Variants in SNTB1 observed in about 807,000 individuals in gnomAD.
The protein encoded by SNTB1 is beta-1-syntrophin.
SNTB1 carries 36 observed loss-of-function variants against 48.9 expected under a neutral mutation model. The ratio of observed to expected loss-of-function variants is 0.74; its 90% CI spans 0.56 to 0.97. The LOEUF (loss-of-function observed/expected upper bound fraction) is 0.97, where lower values mean the gene tolerates loss of function less well. Ranked by LOEUF, SNTB1 falls within the 50% of genes least tolerant of loss-of-function variation. The pLI, the probability that SNTB1 is intolerant of heterozygous loss-of-function variation, is 0.00. For missense variants in SNTB1, 786 were observed against 703.4 expected, an observed-to-expected ratio of 1.12 and a Z score of -1.33; for synonymous variants, 299 against 294.6, an observed-to-expected ratio of 1.01 and a Z score of -0.15.
At chr8:120,539,287 G>A (rs886875180) in intron 6 of SNTB1, among the ~76,000 whole-genome samples, 6 of 116,554 alleles carry the variant, frequency 5.1e-5, no homozygotes, top group African/African-American at 3.1e-4. Context: ...ATTCATGTTG[G>A]ATTTGACACA....
chr8:120,679,736 A>G lies in SNTB1; in HGVS notation c.788+13956T>C, dbSNP rs1817896992. Among the ~76,000 whole-genome samples, 4 of 152,296 alleles carry G rather than the reference A, an allele frequency of 2.6e-5. No homozygotes were observed. The South Asian group carries it at 8.3e-4, about 32-fold the overall frequency. ...CTCTAGTCTTGCCTCCTATTGATCTATGCAGCCAGAGAGATCTTTGCTACA... is the reference window on the plus strand; with the variant it reads ...CTCTAGTCTTGCCTCCTATTGATCTGTGCAGCCAGAGAGATCTTTGCTACA... On this transcript the variant is annotated intron_variant, in intron 2 of 6. Transcript: ENST00000517992.
rs1174907196 is a variant in SNTB1, at chr8:120,571,475, G to C, written c.1136+3611C>G. 2.6e-5 allele frequency: 7 copies of C among 269,864 alleles called. No homozygotes were observed. In the East Asian group the frequency reaches 7.3e-4, roughly 28 times the overall value. The allele number at this position is 269,864 out of a possible 1,614,324, so 16.7% of individuals were successfully genotyped here. ...TAAGGATGTTTACATTCTGACTATT[G>C]AGGGTTTTTTTTTTTTTTTTTTTTT... On this transcript the variant is annotated intron_variant, in intron 4 of 6. Transcript: ENST00000517992.
At chr8:120,553,097 A>G (rs4345605) in intron 4 of SNTB1, among the ~76,000 whole-genome samples, 51,921 of 152,092 alleles carry the variant, frequency 0.34, 11,244 homozygotes, top group African/African-American at 0.62. Context: ...GTGCAGTCCC[A>G]TTCCTAACAG....
At chr8:120,757,357 T>A (rs1271773017) in intron 1 of SNTB1, among the ~76,000 whole-genome samples, 1 of 152,104 alleles carries the variant, frequency 6.6e-6, no homozygotes, top group Non-Finnish European at 1.5e-5. Context: ...GGCAAGGTGA[T>A]TACAGAGGTT....
At chr8:120,777,234 A>C (rs1295759400) in intron 1 of SNTB1, among the ~76,000 whole-genome samples, 1 of 152,202 alleles carries the variant, frequency 6.6e-6, no homozygotes, top group Non-Finnish European at 1.5e-5. Context: ...AGGGGCCTCA[A>C]AAGACTGACA....
intron 1 of SNTB1, among the ~76,000 whole-genome samples, chr8:120,744,806 ATTG>A (rs1197651495): frequency 1.3e-5 from 2 of 152,232 alleles, no homozygotes; most frequent in African/African-American, 2.4e-5. Flanking sequence ...AGCACCTAAT[ATTG>A]TTGTCACATT....
At chr8:120,576,045 T>G (rs548326571) in intron 3 of SNTB1, among the ~76,000 whole-genome samples, 1 of 152,328 alleles carries the variant, frequency 6.6e-6, no homozygotes, top group South Asian at 2.1e-4. Flanking sequence ...AAGCTCGGTT[T>G]AAAAACTCAG....
intron 4 of SNTB1, among the ~76,000 whole-genome samples, chr8:120,555,876 G>T (rs1054077479): frequency 6.6e-6 from 1 of 152,116 alleles, no homozygotes; most frequent in African/African-American, 2.4e-5. Flanking sequence ...GAAAGACCAC[G>T]TGAGGACACA....
At chr8:120,633,476 G>A (rs1817017872) in intron 2 of SNTB1, among the ~76,000 whole-genome samples, 2 of 152,024 alleles carry the variant, frequency 1.3e-5, no homozygotes, top group Non-Finnish European at 2.9e-5. Context: ...ATGATGGCGG[G>A]TGCCTGTAGC....
chr8:120,629,610 TA>T (rs767019294), intron 3 of SNTB1, among the ~76,000 whole-genome samples: 1 of 152,158 alleles, frequency 6.6e-6, no homozygotes, highest in Admixed American at 6.5e-5. Flanking sequence ...AACATTTTGC[TA>T]AAAACCATTC....
chr8:120,811,210 C>T (rs1820422929), intron 1 of SNTB1, 63 bp downstream of exon 1: 4 of 1,521,710 alleles, frequency 2.6e-6, no homozygotes, highest in African/African-American at 1.4e-5. Context: ...TGTGAGCGTG[C>T]GGGTGGGAAG....
chr8:120,700,289 C>G (rs957181037), intron 1 of SNTB1, among the ~76,000 whole-genome samples: 16 of 152,208 alleles, frequency 1.1e-4, no homozygotes, highest in Admixed American at 5.2e-4. Context: ...TAAGCTTGAA[C>G]TATTAAACTA....
At chr8:120,761,068 C>T (rs1447361750) in intron 1 of SNTB1, among the ~76,000 whole-genome samples, 1 of 152,108 alleles carries the variant, frequency 6.6e-6, no homozygotes. Context: ...TTAAAAGGTT[C>T]TTAAATCTAT....
intron 1 of SNTB1, among the ~76,000 whole-genome samples, chr8:120,730,151 T>C (rs1405268028): frequency 6.6e-6 from 1 of 152,154 alleles, no homozygotes; most frequent in Non-Finnish European, 1.5e-5. Context: ...TTATTTATTT[T>C]TTATTTTTAT....
At chr8:120,765,179 C>T (rs1234393517) in intron 1 of SNTB1, among the ~76,000 whole-genome samples, 3 of 152,108 alleles carry the variant, frequency 2.0e-5, no homozygotes, top group African/African-American at 7.2e-5. Flanking sequence ...GAGCCAAGAT[C>T]CTGCCACGGC....
At chr8:120,656,406 T>G (rs1817504479) in intron 2 of SNTB1, among the ~76,000 whole-genome samples, 1 of 152,234 alleles carries the variant, frequency 6.6e-6, no homozygotes, top group South Asian at 2.1e-4. Flanking sequence ...TTCAGCACTT[T>G]GACCTTTCCT....
At chr8:120,661,195 TAA>T (rs34319576) in intron 2 of SNTB1, among the ~76,000 whole-genome samples, 27 of 144,008 alleles carry the variant, frequency 1.9e-4, no homozygotes, top group African/African-American at 6.4e-4. Flanking sequence ...TTCAATTTGT[TAA>T]AAAAAAAAAA....
Position 120,773,959 on chromosome 8 carries a change from G to A in SNTB1, c.571+37314C>T, listed in dbSNP as rs113871828. On this transcript the variant is annotated intron_variant, in intron 1 of 6. Coordinates refer to ENST00000517992, the MANE Select transcript of SNTB1 (RefSeq NM_021021.4). The stretch of plus-strand genomic sequence containing the variant: ...TATAGAAAGGAAACTAATATTTATC[G>A]GAAACCAAGTGCTTCTTTGTTTAAT... Among the ~76,000 whole-genome samples the A allele has an allele frequency of 3.1e-3, 466 of 152,246 alleles. 5 individuals are homozygous for A. Among genetic ancestry groups the A allele is most frequent in the African/African-American group, 0.011 (448 of 41,540 alleles).
chr8:120,551,681 G>A (rs182544612), intron 4 of SNTB1, among the ~76,000 whole-genome samples: 20 of 133,766 alleles, frequency 1.5e-4, no homozygotes, highest in African/African-American at 4.4e-4. Context: ...AGCCAAGATC[G>A]CACCACTGCA....
Sources: allele counts gnomAD v4.1 joint callset (sites outside exome capture counted in the v4.1 genomes callset), GRCh38; gene constraint gnomAD v4.1.1; transcripts MANE v1.5; gene names NCBI Gene and HGNC (gene_info 2026-07-23, HGNC 2026-07-21).